MAZ: variants seen among roughly 807,000 people sequenced by gnomAD.
The protein encoded by MAZ is MYC associated zinc finger protein.
Under a neutral mutation model 32.7 loss-of-function variants are expected in MAZ, and 4 were observed. The ratio of observed to expected loss-of-function variants is 0.12; its 90% confidence interval spans 0.06 to 0.28. The LOEUF (loss-of-function observed/expected upper bound fraction) is 0.28. Among genes scored for constraint, MAZ ranks in the 10% least tolerant of loss-of-function variants. MAZ has a pLI of 1.00. For missense variants in MAZ, 763 were observed against 667.2 expected, an observed-to-expected ratio of 1.14 and a Z score of -1.58; for synonymous variants, 510 against 297.6, an observed-to-expected ratio of 1.71 and a Z score of -7.35.
chr16:29,807,555 C>A lies in MAZ; in HGVS notation c.770C>A (p.Ala257Asp). 1 of 1,602,528 alleles carries A rather than the reference C, an allele frequency of 6.2e-7. No homozygotes were observed. The highest frequency in any genetic ancestry group is 8.5e-7 in the Non-Finnish European group (1 of 1,175,660). The change falls in exon 2 of 5, where the codon GCT (alanine) becomes GAT (aspartate). Residue 257 changes from alanine to aspartate, a missense_variant. Ala to Asp is a moderately radical substitution (Grantham distance 126, BLOSUM62 -2). Coordinates refer to ENST00000322945, the MANE Select transcript of MAZ (RefSeq NM_002383.4). ...GGGEAGAGGG[A>D]AAVAAGGVVT... Reference sequence around the variant, plus strand: ...GGAGAGGCGGGTGCCGGCGGCGGCGCTGCCGCAGTGGCCGCCGGTGGCGTG... The same window carrying A: ...GGAGAGGCGGGTGCCGGCGGCGGCGATGCCGCAGTGGCCGCCGGTGGCGTG...
chr16:29,808,953 T>C (rs975610413), intron 4 of MAZ: 20 of 580,980 alleles, frequency 3.4e-5, no homozygotes, highest in African/African-American at 3.4e-4. Context: ...CCAGAGAGGT[T>C]GAACCTCCTG....
chr16:29,808,824 G>T (rs764808375), intron 4 of MAZ, 83 bp downstream of exon 4: 2 of 1,420,786 alleles, frequency 1.4e-6, no homozygotes, highest in Middle Eastern at 4.6e-4. Context: ...CGGGTTAAGG[G>T]TGCTGTAGCC....
chr16:29,808,605 G>A lies in MAZ; in HGVS notation c.1143G>A (p.Leu381=). 6.2e-7 allele frequency: 1 copy of A among 1,613,134 alleles called. No individual in the cohort carries two copies. Among genetic ancestry groups the A allele is most frequent in the Non-Finnish European group, 8.5e-7 (1 of 1,179,876 alleles). ...CEAAFATKDR[L]RAHTVRHEEK... Reference sequence around the variant, plus strand: ...CAGCTTTCGCCACGAAGGATCGGCTGCGGGCGCACACAGTACGACACGAGG... The same window carrying A: ...CAGCTTTCGCCACGAAGGATCGGCTACGGGCGCACACAGTACGACACGAGG... The change falls in exon 4 of 5, where the codon CTG becomes CTA. Residue 381 remains leucine, a synonymous_variant. Transcript: ENST00000322945.
chr16:29,808,033 G>A (rs1269096504), intron 2 of MAZ, 197 bp from the exon 3 acceptor site: 7 of 1,116,742 alleles, frequency 6.3e-6, no homozygotes, highest in Non-Finnish European at 8.8e-6. Context: ...GGGGTTGACG[G>A]AAGCTTCGCG....
At position 29,811,054 on chromosome 16, in the gene MAZ, A is replaced by T. The variant is rs1414464896; in HGVS notation, c.*823A>T. 3 of 455,136 alleles carry T rather than the reference A, an allele frequency of 6.6e-6. No individual in the cohort carries two copies. Among genetic ancestry groups the T allele is most frequent in the Non-Finnish European group, 1.3e-5 (3 of 226,336 alleles). 28.2% of individuals were successfully genotyped at this position (455,136 alleles called of 1,614,324 possible). ...CATCCCTCTTCCCCACGACAGAAGAAGTTGTGGCCCTGGCCATGTCATCGT... is the reference window on the plus strand; with the variant it reads ...CATCCCTCTTCCCCACGACAGAAGATGTTGTGGCCCTGGCCATGTCATCGT... On this transcript the variant is annotated 3_prime_UTR_variant, in exon 5 of 5. Transcript: ENST00000322945.
In MAZ at chr16:29,808,210, C is replaced by T. The variant is rs768161136; in HGVS notation, c.1044-20C>T. 4.8e-5 allele frequency: 77 copies of T among 1,611,850 alleles called. No homozygotes were observed. The highest frequency in any genetic ancestry group is 6.1e-5 in the Non-Finnish European group (72 of 1,178,186). On this transcript the variant is annotated intron_variant, in intron 2 of 4. Coordinates refer to ENST00000322945, the MANE Select transcript of MAZ (RefSeq NM_002383.4). ...GGGCGCACCACCTCCGCCCTAACCC[C>T]AACCCCAACGTGTCCCCAGGCCGGA...
chr16:29,809,968 A>G, intron 4 of MAZ, 109 bp from the exon 5 acceptor site: 1 of 1,513,124 alleles, frequency 6.6e-7, no homozygotes, highest in East Asian at 2.3e-5. Context: ...CCAGATAGGA[A>G]GTGAGCAACG....
intron 4 of MAZ, chr16:29,809,335 C>T (rs763903432): frequency 3.4e-6 from 2 of 580,892 alleles, no homozygotes; most frequent in East Asian, 2.9e-5. Context: ...GGCTGAGAAG[C>T]GGGCACCACA....
At chr16:29,809,791 C>G (rs911570738) in intron 4 of MAZ, 1 of 1,213,530 alleles carries the variant, frequency 8.2e-7, no homozygotes, top group Non-Finnish European at 1.1e-6. Context: ...GGCTGGGGGG[C>G]GGGATGGGGG....
At position 29,808,299 on chromosome 16, in the gene MAZ, A is replaced by C. The variant is rs1899664822; in HGVS notation, c.1107+6A>C. On this transcript the variant is annotated splice_donor_region_variant and intron_variant, in intron 3 of 4. Transcript: ENST00000322945. ...AACGGCCCTTCAAATGTGAGGTAGG[A>C]AGCCCGCCTCCTCCTGTCTTGGTTT... 2.5e-6 allele frequency: 4 copies of C among 1,612,954 alleles called. No homozygotes were observed. The highest frequency in any genetic ancestry group is 1.7e-5 in the Admixed American group (1 of 59,976).
intron 4 of MAZ, chr16:29,809,375 T>C (rs1899771443): frequency 3.3e-6 from 2 of 606,588 alleles, no homozygotes; most frequent in Admixed American, 3.0e-5. Context: ...AGGGAGGGGC[T>C]GTGTCTACCA....
At chr16:29,808,154 G>A (rs1899653637) in intron 2 of MAZ, 76 bp from the exon 3 acceptor site, 2 of 1,320,882 alleles carry the variant, frequency 1.5e-6, no homozygotes, top group Non-Finnish European at 2.2e-6. Context: ...GGGATCCTCG[G>A]AAAGGCCTGT....
upstream of MAZ, chr16:29,806,437 GC>G: frequency 1.0e-5 from 1 of 99,618 alleles, no homozygotes; most frequent in South Asian, 3.9e-4. Flanking sequence ...CCGGGCCCCC[GC>G]CCCCGGCCCC....
Position 29,806,752 on chromosome 16 carries a change from G to T in MAZ, c.51G>T (p.Leu17=), listed in dbSNP as rs542535190. 7.0e-6 allele frequency: 10 copies of T among 1,419,704 alleles called. No homozygotes were observed. The East Asian group carries it at 2.4e-4, about 34-fold the overall frequency. The allele number at this position is 1,419,704 out of a possible 1,614,324, so 87.9% of individuals were successfully genotyped here. Residue 17 remains leucine (L), a synonymous_variant, in exon 1 of 5, where the codon CTG becomes CTT. Coordinates refer to ENST00000322945, the MANE Select transcript of MAZ (RefSeq NM_002383.4). Reference sequence around the variant, plus strand: ...TGCTGGCCCCCCCCTTCCCCGTGCTGGGCCTGGACTCCCGGGGGGTGGGCG... The same window carrying T: ...TGCTGGCCCCCCCCTTCCCCGTGCTTGGCCTGGACTCCCGGGGGGTGGGCG... ...CTLLAPPFPV[L]GLDSRGVGGL...
intron 3 of MAZ, 51 bp downstream of exon 3, chr16:29,808,344 G>A (rs1221432905): frequency 3.2e-6 from 5 of 1,557,722 alleles, no homozygotes; most frequent in South Asian, 1.1e-5. Flanking sequence ...TGATCCTCAT[G>A]GTAGCTGTCT....
upstream of MAZ, chr16:29,806,510 C>T (rs1178612398): frequency 2.0e-6 from 1 of 507,018 alleles, no homozygotes; most frequent in East Asian, 1.7e-4. Context: ...CCGCGGCGCT[C>T]CGCGGCCCGC....
chr16:29,806,611 C>G lies in MAZ; in HGVS notation c.-91C>G, dbSNP rs1899466788. On this transcript the variant is annotated 5_prime_UTR_variant, in exon 1 of 5. Coordinates refer to ENST00000322945, the MANE Select transcript of MAZ (RefSeq NM_002383.4). Reference sequence around the variant, plus strand: ...ATGCGTTCGGCGCGGCCCAGCCCGGCCGGCCGGGGGCGGCGCCCCGAGCCC... The same window carrying G: ...ATGCGTTCGGCGCGGCCCAGCCCGGGCGGCCGGGGGCGGCGCCCCGAGCCC... 1.0e-6 allele frequency: 1 copy of G among 968,056 alleles called. No homozygotes were observed. The highest frequency in any genetic ancestry group is 1.8e-5 in the African/African-American group (1 of 55,106). The allele number at this position is 968,056 out of a possible 1,614,324, so 60.0% of individuals were successfully genotyped here. A position where few individuals can be genotyped will look rare whatever the true frequency, so the allele number is the denominator to read the frequency against.
intron 2 of MAZ, 176 bp downstream of exon 2, chr16:29,808,004 T>A: frequency 7.9e-7 from 1 of 1,271,482 alleles, no homozygotes; most frequent in Non-Finnish European, 1.1e-6. Context: ...GGTGGTCCTT[T>A]GTCGAGGAGG....
rs372438870 is a variant in MAZ, at chr16:29,810,129, A to G, written c.1332A>G (p.Ala444=). The change falls in exon 5 of 5, where the codon GCA becomes GCG. Residue 444 remains alanine (A), a synonymous_variant. Coordinates refer to ENST00000322945, the MANE Select transcript of MAZ (RefSeq NM_002383.4). ...MAAAAAAAAA[A]AAAAVAAPPT... Reference sequence around the variant, plus strand: ...CGGCAGCGGCAGCGGCGGCAGCGGCAGCAGCGGCAGCAGTAGCAGCCCCTC... The same window carrying G: ...CGGCAGCGGCAGCGGCGGCAGCGGCGGCAGCGGCAGCAGTAGCAGCCCCTC... 756 of 1,600,420 alleles carry G rather than the reference A, an allele frequency of 4.7e-4. No individual in the cohort carries two copies. Among genetic ancestry groups the G allele is most frequent in the African/African-American group, 6.9e-4 (51 of 73,616 alleles).
Sources: allele counts gnomAD v4.1 joint callset, GRCh38; gene constraint gnomAD v4.1.1; transcripts MANE v1.5; gene names NCBI Gene and HGNC (gene_info 2026-07-23, HGNC 2026-07-21).